The following NKAIN2 variants were observed in gnomAD, a reference collection of about 807,000 sequenced individuals.
The protein encoded by NKAIN2 is sodium/potassium-transporting ATPase subunit beta-1-interacting protein 2.
NKAIN2 carries 14 observed loss-of-function variants against 32.6 expected under a neutral mutation model. The observed-to-expected ratio is 0.43, with a 90% confidence interval of 0.28 to 0.67. NKAIN2 has a LOEUF of 0.67. NKAIN2 is among the 30% of genes least tolerant of loss of function. The probability of loss-of-function intolerance (pLI) is 0.17; values close to 1 mark genes in which losing one functional copy is unlikely to be tolerated. For synonymous variants in NKAIN2, 80 were observed against 87.2 expected (o/e 0.92, Z 0.46); for missense variants, 198 against 258.3 (o/e 0.77, Z 1.60).
intron 1 of NKAIN2, among the ~76,000 whole-genome samples, chr6:123,859,578 A>AT (rs1171833195): frequency 2.6e-5 from 4 of 152,196 alleles, no homozygotes; most frequent in African/African-American, 9.7e-5. Context: ...GAGAAGGACC[A>AT]TTTTAGCATG....
chr6:124,304,572 G>A (rs1191318333), intron 2 of NKAIN2, among the ~76,000 whole-genome samples: 2 of 152,212 alleles, frequency 1.3e-5, no homozygotes, highest in Non-Finnish European at 2.9e-5. Context: ...AAATAAGCGA[G>A]TAGTGGTCAA....
Position 124,583,530 on chromosome 6 carries a change from TTATC to T in NKAIN2, c.274-74652_274-74649del, listed in dbSNP as rs1781600230. Among the ~76,000 whole-genome samples the T allele has an allele frequency of 2.0e-5, 3 of 152,290 alleles. No homozygotes were observed. In the South Asian group the frequency reaches 6.2e-4, roughly 32 times the overall value. ...GTATTGGAAAAATCAATATTATTAA[TTATC>T]TATACTACATAAAGCGATCTAGAGT... On this transcript the variant is annotated intron_variant, in intron 3 of 6. Transcript: ENST00000368417.
chr6:123,951,938 A>G (rs987613743), intron 1 of NKAIN2, among the ~76,000 whole-genome samples: 4 of 149,588 alleles, frequency 2.7e-5, no homozygotes, highest in African/African-American at 9.9e-5. Context: ...GGTTTTCTAT[A>G]GTGGTAACAT....
chr6:124,672,855 ACT>A lies in NKAIN2; in HGVS notation c.474+14474_474+14475del, dbSNP rs1208230427. On this transcript the variant is annotated intron_variant, in intron 4 of 6. Coordinates refer to ENST00000368417, the MANE Select transcript of NKAIN2 (RefSeq NM_001040214.3). Reference sequence around the variant, plus strand: ...TTCCTCATCTGTAATAGGCATAACTACTCTCTAACTCATTTGGTATTTTTAAT... The same window carrying A: ...TTCCTCATCTGTAATAGGCATAACTACTCTAACTCATTTGGTATTTTTAAT... Among the ~76,000 whole-genome samples, 6 of 152,100 alleles carry A rather than the reference ACT, an allele frequency of 3.9e-5. No individual in the cohort carries two copies. In the South Asian group the frequency reaches 1.2e-3, roughly 32 times the overall value.
chr6:124,461,610 A>G (rs982875796), intron 3 of NKAIN2, among the ~76,000 whole-genome samples: 2 of 151,834 alleles, frequency 1.3e-5, no homozygotes, highest in Non-Finnish European at 2.9e-5. Flanking sequence ...TACATATTAA[A>G]ACTGTCATCA....
chr6:124,407,523 A>C (rs1773920505), intron 3 of NKAIN2, among the ~76,000 whole-genome samples: 1 of 151,922 alleles, frequency 6.6e-6, no homozygotes, highest in African/African-American at 2.4e-5. Flanking sequence ...AAGGACATGA[A>C]CTCATCATTT....
chr6:123,958,058 C>A (rs1489352190), intron 1 of NKAIN2, among the ~76,000 whole-genome samples: 2 of 152,036 alleles, frequency 1.3e-5, no homozygotes, highest in African/African-American at 4.8e-5. Context: ...GCTAGTGTGT[C>A]TTCTGTTAAT....
rs111769751 is a variant in NKAIN2, at chr6:124,680,509, A to G, written c.474+22123A>G. ...CTTTACAGTCCACCTAGGAACTGGC[A>G]TAAATGTCAGAGTTCCTACATACAG... On this transcript the variant is annotated intron_variant, in intron 4 of 6. Coordinates refer to ENST00000368417, the MANE Select transcript of NKAIN2 (RefSeq NM_001040214.3). 1.9e-3 allele frequency among the ~76,000 whole-genome samples: 282 copies of G among 152,258 alleles called. 1 individual carries two copies. Among genetic ancestry groups the G allele is most frequent in the African/African-American group, 6.4e-3 (266 of 41,564 alleles).
chr6:124,239,220 C>T (rs184270233), intron 1 of NKAIN2, among the ~76,000 whole-genome samples: 22 of 152,170 alleles, frequency 1.4e-4, no homozygotes, highest in Admixed American at 5.2e-4. Context: ...AATATATATG[C>T]ACCCAATACA....
chr6:124,273,207 C>A (rs1436002661), intron 1 of NKAIN2, among the ~76,000 whole-genome samples: 1 of 152,156 alleles, frequency 6.6e-6, no homozygotes, highest in Non-Finnish European at 1.5e-5. Context: ...CCACCCAAAT[C>A]TCATCTCCAA....
chr6:123,923,601 C>T (rs959434513), intron 1 of NKAIN2, among the ~76,000 whole-genome samples: 2 of 151,438 alleles, frequency 1.3e-5, no homozygotes, highest in Non-Finnish European at 2.9e-5. Flanking sequence ...CCATGGAATA[C>T]TATGCAGCCA....
chr6:124,778,620 G>A (rs1042120310), intron 4 of NKAIN2, among the ~76,000 whole-genome samples: 2 of 151,948 alleles, frequency 1.3e-5, no homozygotes, highest in African/African-American at 4.8e-5. Flanking sequence ...AGAAATATGA[G>A]TGATATTTAC....
intron 1 of NKAIN2, among the ~76,000 whole-genome samples, chr6:124,082,196 G>T (rs1240228073): frequency 6.6e-6 from 1 of 152,018 alleles, no homozygotes; most frequent in Non-Finnish European, 1.5e-5. Flanking sequence ...TAAATTATTG[G>T]CAAGGACTGC....
intron 1 of NKAIN2, among the ~76,000 whole-genome samples, chr6:124,264,177 C>T (rs1038059759): frequency 6.6e-6 from 1 of 152,134 alleles, no homozygotes; most frequent in African/African-American, 2.4e-5. Context: ...AGCTATTTAA[C>T]ATTGGAGAAG....
intron 2 of NKAIN2, among the ~76,000 whole-genome samples, chr6:124,337,598 G>T (rs1156838209): frequency 5.3e-5 from 8 of 152,172 alleles, no homozygotes; most frequent in Non-Finnish European, 1.2e-4. Context: ...AGTGATCACT[G>T]CCTCCTTGAT....
At chr6:124,595,799 A>C (rs1782064681) in intron 3 of NKAIN2, among the ~76,000 whole-genome samples, 1 of 152,206 alleles carries the variant, frequency 6.6e-6, no homozygotes, top group South Asian at 2.1e-4. Flanking sequence ...CAGCAGAGAC[A>C]GCATACTTTA....
At chr6:123,851,652 C>A (rs561988825) in intron 1 of NKAIN2, among the ~76,000 whole-genome samples, 8 of 152,274 alleles carry the variant, frequency 5.3e-5, no homozygotes, top group Admixed American at 2.0e-4. Context: ...CACATCCTCA[C>A]CAAGACTTGT....
chr6:124,583,274 T>C (rs1781589562), intron 3 of NKAIN2, among the ~76,000 whole-genome samples: 1 of 149,656 alleles, frequency 6.7e-6, no homozygotes, highest in Non-Finnish European at 1.5e-5. Flanking sequence ...TTCAGTAATG[T>C]GGCAGGATAC....
chr6:124,105,386 G>T (rs1221135647), intron 1 of NKAIN2, among the ~76,000 whole-genome samples: 2 of 152,088 alleles, frequency 1.3e-5, no homozygotes, highest in Admixed American at 6.5e-5. Flanking sequence ...TAAGAGGAGA[G>T]CGCCAGCCTC....
Sources: allele counts gnomAD v4.1 joint callset (sites outside exome capture counted in the v4.1 genomes callset), GRCh38; gene constraint gnomAD v4.1.1; transcripts MANE v1.5; gene names NCBI Gene and HGNC (gene_info 2026-07-23, HGNC 2026-07-21).